Variants in CALN1 observed in about 807,000 individuals in gnomAD.
CALN1 encodes calneuron 1.
CALN1 carries 17 observed loss-of-function variants against 30.6 expected under a neutral mutation model. That is an observed-to-expected ratio of 0.56 (90% CI 0.38 to 0.83). CALN1 has a LOEUF of 0.83. Ranked by LOEUF, CALN1 falls within the 40% of genes least tolerant of loss-of-function variation. The pLI, the probability that CALN1 is intolerant of heterozygous loss-of-function variation, is 0.00. For missense variants in CALN1, 291 were observed against 354.9 expected (o/e 0.82, Z 1.45); for synonymous variants, 156 against 131.4 (o/e 1.19, Z -1.28).
rs764276435 is a variant in CALN1, at chr7:72,247,227, C to CTTT, written c.244+31456_244+31458dup. On this transcript the variant is annotated intron_variant, in intron 3 of 6. Transcript: ENST00000395275. ...GGGTTTTCAACAGACCATTTTCTTT[C>CTTT]TTTTTTTTTTTTTTTTTTTTTTTTT... 1.3e-3 allele frequency among the ~76,000 whole-genome samples: 99 copies of CTTT among 77,666 alleles called. 7 individuals carry two copies. Among genetic ancestry groups the CTTT allele is most frequent in the Non-Finnish European group, 1.8e-3 (77 of 42,920 alleles). 51.0% of individuals were successfully genotyped at this position (77,666 alleles called of 152,430 possible). A position where few individuals can be genotyped will look rare whatever the true frequency, so the allele number is the denominator to read the frequency against.
chr7:72,214,763 C>A lies in CALN1; in HGVS notation c.244+63923G>T, dbSNP rs563514165. Among the ~76,000 whole-genome samples the A allele has an allele frequency of 2.0e-5, 3 of 152,156 alleles. No homozygotes were observed. In the East Asian group the frequency reaches 5.8e-4, roughly 29 times the overall value. ...ATCTGTATTTACAGCCACTCCCCGC[C>A]GCTCGCATTCCCGCCTGAGCTCCAC... On this transcript the variant is annotated intron_variant, in intron 3 of 6. Coordinates refer to ENST00000395275, the MANE Select transcript of CALN1 (RefSeq NM_031468.4).
At chr7:72,092,684 G>A (rs1413754270) in intron 4 of CALN1, among the ~76,000 whole-genome samples, 1 of 135,296 alleles carries the variant, frequency 7.4e-6, no homozygotes, top group Non-Finnish European at 1.6e-5. Context: ...TATCATTAGT[G>A]TTGTTCACCA....
intron 5 of CALN1, among the ~76,000 whole-genome samples, chr7:71,852,772 C>T (rs1790723750): frequency 6.6e-6 from 1 of 152,122 alleles, no homozygotes; most frequent in South Asian, 2.1e-4. Context: ...AAGTGGGTAA[C>T]TCACGGCTGT....
chr7:71,984,277 C>T (rs977648115), intron 5 of CALN1, among the ~76,000 whole-genome samples: 1 of 152,006 alleles, frequency 6.6e-6, no homozygotes, highest in African/African-American at 2.4e-5. Flanking sequence ...ATGAGAAGGC[C>T]AAGAAAGTAG....
chr7:72,389,317 G>A (rs1468335053), intron 2 of CALN1, among the ~76,000 whole-genome samples: 1 of 152,192 alleles, frequency 6.6e-6, no homozygotes, highest in African/African-American at 2.4e-5. Flanking sequence ...GAAAGTAGAA[G>A]TTTCCTTTAC....
At chr7:72,011,256 C>G (rs1334058626) in intron 5 of CALN1, among the ~76,000 whole-genome samples, 1 of 152,100 alleles carries the variant, frequency 6.6e-6, no homozygotes. Flanking sequence ...AACCAGACAG[C>G]AGTACCTCCA....
chr7:71,837,578 G>C (rs73362117), intron 5 of CALN1, among the ~76,000 whole-genome samples: 4 of 152,122 alleles, frequency 2.6e-5, no homozygotes, highest in African/African-American at 9.7e-5. Flanking sequence ...CAAGGCAACA[G>C]AATATAAATC....
At chr7:72,159,402 G>A (rs984120212) in intron 3 of CALN1, among the ~76,000 whole-genome samples, 1 of 152,178 alleles carries the variant, frequency 6.6e-6, no homozygotes, top group Non-Finnish European at 1.5e-5. Flanking sequence ...CAGAGGCTGA[G>A]GCAGGGAGGA....
At position 72,278,816 on chromosome 7, in the gene CALN1, C is replaced by G. The variant is rs771997132; in HGVS notation, c.120-6G>C. On this transcript the variant is annotated splice_polypyrimidine_tract_variant and splice_region_variant and intron_variant, in intron 2 of 6. Transcript: ENST00000395275. ...GGTGGAACGGCATCTTTTCCCTGCC[C>G]AAGAGAGAACAGGGGAGGGGAAAAG... is the stretch of plus-strand genomic sequence containing the variant. The G allele has an allele frequency of 1.2e-6, 2 of 1,609,798 alleles. No homozygotes were observed. Among genetic ancestry groups the G allele is most frequent in the Non-Finnish European group, 1.7e-6 (2 of 1,176,506 alleles).
Position 71,969,419 on chromosome 7 carries a change from G to A in CALN1, c.501+54238C>T, listed in dbSNP as rs557908584. ...TAATGTGGTCTAGATACTTGTCAGAGACTAAGTATTTTTTTAATCAAGGTA... is the reference window on the plus strand; with the variant it reads ...TAATGTGGTCTAGATACTTGTCAGAAACTAAGTATTTTTTTAATCAAGGTA... On this transcript the variant is annotated intron_variant, in intron 5 of 6. Transcript: ENST00000395275. Among the ~76,000 whole-genome samples, 15 of 152,224 alleles carry A rather than the reference G, an allele frequency of 9.9e-5. No homozygotes were observed. In the East Asian group the frequency reaches 2.9e-3, roughly 29 times the overall value.
chr7:72,458,826 AT>A, the CALN1 span, among the ~76,000 whole-genome samples: 1 of 134,790 alleles, frequency 7.4e-6, no homozygotes, highest in South Asian at 2.1e-4. Flanking sequence ...TTAATATACA[AT>A]ATAATATTTA....
the CALN1 span, among the ~76,000 whole-genome samples, chr7:72,497,242 C>A: frequency 6.6e-6 from 1 of 152,112 alleles, no homozygotes; most frequent in South Asian, 2.1e-4. Context: ...GAGTTCAAGA[C>A]CAGCCTGAAC....
At chr7:72,196,990 C>A (rs891350569) in intron 3 of CALN1, among the ~76,000 whole-genome samples, 2 of 152,086 alleles carry the variant, frequency 1.3e-5, no homozygotes, top group Admixed American at 1.3e-4. Flanking sequence ...GTCTGAAAAA[C>A]TCTCTAGAGA....
chr7:72,408,250 T>C (rs1199151418), intron 1 of CALN1, among the ~76,000 whole-genome samples: 2 of 141,062 alleles, frequency 1.4e-5, no homozygotes, highest in Admixed American at 1.5e-4. Context: ...CTGGCCAACA[T>C]GGTGAAACCC....
At chr7:72,504,001 G>A in the CALN1 span, among the ~76,000 whole-genome samples, 1 of 152,104 alleles carries the variant, frequency 6.6e-6, no homozygotes, top group African/African-American at 2.4e-5. Flanking sequence ...AGAGGAGTGT[G>A]GGTGGGAGGA....
Position 72,338,470 on chromosome 7 carries a change from AGTGTGTGTGTGTGTGTGTGT to A in CALN1, c.120-59680_120-59661del, listed in dbSNP as rs56695086. ...GGGCGTTTTTGTCAGCCAGCAGCAC[AGTGTGTGTGTGTGTGTGTGT>A]GTGTGTGTGTGTGTGTGTGTGTGTG... On this transcript the variant is annotated intron_variant, in intron 2 of 6. Coordinates refer to ENST00000395275, the MANE Select transcript of CALN1 (RefSeq NM_031468.4). Among the ~76,000 whole-genome samples, 208 of 74,802 alleles carry A rather than the reference AGTGTGTGTGTGTGTGTGTGT, an allele frequency of 2.8e-3. 3 individuals carry two copies. The highest frequency in any genetic ancestry group is 7.7e-3 in the African/African-American group (186 of 24,070). 49.1% of individuals were successfully genotyped at this position (74,802 alleles called of 152,430 possible).
At chr7:72,503,801 G>A in the CALN1 span, among the ~76,000 whole-genome samples, 3 of 150,512 alleles carry the variant, frequency 2.0e-5, no homozygotes, top group African/African-American at 7.4e-5. Flanking sequence ...GTTTGCTACC[G>A]AGATCTCTGA....
intron 2 of CALN1, among the ~76,000 whole-genome samples, chr7:72,332,241 C>T (rs1801729207): frequency 6.6e-6 from 1 of 152,140 alleles, no homozygotes; most frequent in African/African-American, 2.4e-5. Flanking sequence ...TGCAAGGTAG[C>T]ACCCCAGAAG....
At chr7:71,820,343 T>G (rs2116312281) in intron 5 of CALN1, among the ~76,000 whole-genome samples, 1 of 152,318 alleles carries the variant, frequency 6.6e-6, no homozygotes, top group Middle Eastern at 3.4e-3. Flanking sequence ...TTATGTGTAT[T>G]GACATTTTAC....
Sources: gnomAD v4.1 joint callset for allele counts (sites outside exome capture counted in the v4.1 genomes callset) on GRCh38, gnomAD v4.1.1 for gene constraint, MANE v1.5 for transcripts, NCBI Gene and HGNC (gene_info 2026-07-23, HGNC 2026-07-21) for gene names.